Variants in CASQ1 observed in about 807,000 individuals in gnomAD.
CASQ1 encodes the protein calsequestrin-1.
Under a neutral mutation model 49.5 loss-of-function variants are expected in CASQ1, and 40 were observed. That is an observed-to-expected ratio of 0.81 (90% CI 0.63 to 1.05). CASQ1 has a LOEUF of 1.05. Among genes scored for constraint, CASQ1 ranks in the 50% least tolerant of loss-of-function variants. The probability of loss-of-function intolerance (pLI) is 0.00; values close to 1 mark genes in which losing one functional copy is unlikely to be tolerated. For synonymous variants in CASQ1, 174 were observed against 187.2 expected, an observed-to-expected ratio of 0.93 and a Z score of 0.58; for missense variants, 469 against 486.9, an observed-to-expected ratio of 0.96 and a Z score of 0.35.
intron 2 of CASQ1, among the ~76,000 whole-genome samples, chr1:160,193,169 G>A (rs617599): frequency 0.31 from 46,912 of 152,066 alleles, 8,918 homozygotes; most frequent in East Asian, 0.55. Context: ...TGGAGGGAAG[G>A]GGAGTCGGGG....
In CASQ1 at chr1:160,192,798, CCA is replaced by C. The variant is rs752787714; in HGVS notation, c.280-3_280-2del. On this transcript the variant is annotated splice_acceptor_variant and splice_polypyrimidine_tract_variant and intron_variant, in intron 1 of 10. Transcript: ENST00000368078. LOFTEE classifies it high-confidence loss of function. ...CTAATTTTAATCATAATCCTTCCCTCCAGTTAGCAGCCCAAGTCCTAGAAGAC... is the reference window on the plus strand; with the variant it reads ...CTAATTTTAATCATAATCCTTCCCTCGTTAGCAGCCCAAGTCCTAGAAGAC... The C allele has an allele frequency of 1.6e-5, 26 of 1,613,308 alleles. No individual in the cohort carries two copies. The highest frequency in any genetic ancestry group is 2.2e-5 in the South Asian group (2 of 91,040).
intron 1 of CASQ1, among the ~76,000 whole-genome samples, chr1:160,192,182 C>T (rs921435443): frequency 3.3e-5 from 5 of 150,940 alleles, no homozygotes; most frequent in African/African-American, 9.8e-5. Flanking sequence ...AAGTAGAGTG[C>T]GAAAGGGGAA....
At chr1:160,196,906 G>C (rs1391197034) in intron 6 of CASQ1, among the ~76,000 whole-genome samples, 1 of 152,204 alleles carries the variant, frequency 6.6e-6, no homozygotes, top group African/African-American at 2.4e-5. Flanking sequence ...TGGTTGTGCA[G>C]AGTGCTACTA....
Position 160,199,868 on chromosome 1 carries a change from G to A in CASQ1, c.1002G>A (p.Glu334=). 3 of 1,612,526 alleles carry A rather than the reference G, an allele frequency of 1.9e-6. No homozygotes were observed. Among genetic ancestry groups the A allele is most frequent in the Non-Finnish European group, 2.5e-6 (3 of 1,178,474 alleles). Reference sequence around the variant, plus strand: ...CTCTACAGCTGGTCCCATACTGGGAGAAGACGTTTGACATCGACTTGTCAG... The same window carrying A: ...CTCTACAGCTGGTCCCATACTGGGAAAAGACGTTTGACATCGACTTGTCAG... The part of the protein sequence containing the change: ...DDFPLLVPYW[E]KTFDIDLSAP... The change falls in exon 10 of 11, where the codon GAG becomes GAA. Residue 334 remains glutamate (E), a synonymous_variant. Coordinates refer to ENST00000368078, the MANE Select transcript of CASQ1 (RefSeq NM_001231.5).
chr1:160,196,396 C>T (rs1654229537), intron 6 of CASQ1, among the ~76,000 whole-genome samples: 1 of 152,086 alleles, frequency 6.6e-6, no homozygotes, highest in South Asian at 2.1e-4. Context: ...GTGAAAGTTT[C>T]TACAGGTAAT....
intron 6 of CASQ1, 38 bp downstream of exon 6, chr1:160,196,065 C>T: frequency 6.2e-7 from 1 of 1,606,880 alleles, no homozygotes; most frequent in South Asian, 1.1e-5. Flanking sequence ...GGGGTCGGCT[C>T]CTCCTTGGGC....
chr1:160,198,533 C>A lies in CASQ1; in HGVS notation c.829-144C>A, dbSNP rs1005689717. 4.9e-6 allele frequency: 3 copies of A among 616,212 alleles called. No homozygotes were observed. In the Admixed American group the frequency reaches 9.0e-5, roughly 18 times the overall value. 38.2% of individuals were successfully genotyped at this position (616,212 alleles called of 1,614,324 possible). On this transcript the variant is annotated intron_variant, in intron 7 of 10. Transcript: ENST00000368078. ...ACAAAAAAAAACAAACCCCAAAAAA[C>A]GAAAGAATATATCTGGTCCTGAAGC...
intron 6 of CASQ1, among the ~76,000 whole-genome samples, chr1:160,197,115 C>T (rs822451): frequency 0.98 from 148,941 of 152,256 alleles, 72,921 homozygotes; most frequent in East Asian, 1. Flanking sequence ...CCCAGGCTAG[C>T]GTGCAGTGGT....
In CASQ1 at chr1:160,195,900, G is replaced by A. The variant is rs754982001; in HGVS notation, c.655G>A (p.Ala219Thr). ...PFFATFDSKV[A>T]KKLTLKLNEI... is the part of the protein sequence containing the mutation. The stretch of plus-strand genomic sequence containing the variant: ...CCTCCTACCCCCTCTCCCAAAGGTG[G>A]CAAAGAAGCTGACCCTGAAGCTGAA... Residue 219 changes from alanine (A) to threonine (T), a missense_variant, in exon 6 of 11, where the codon GCA becomes ACA. Physicochemically the swap from Ala to Thr is moderately conservative, Grantham distance 58. Coordinates refer to ENST00000368078, the MANE Select transcript of CASQ1 (RefSeq NM_001231.5). 1 of 1,613,654 alleles carries A rather than the reference G, an allele frequency of 6.2e-7. No individual in the cohort carries two copies. Among genetic ancestry groups the A allele is most frequent in the Non-Finnish European group, 8.5e-7 (1 of 1,179,790 alleles).
chr1:160,191,050 G>C lies in CASQ1; in HGVS notation c.279+20G>C, dbSNP rs1443003357. 1 of 1,611,768 alleles carries C rather than the reference G, an allele frequency of 6.2e-7. No individual in the cohort carries two copies. The highest frequency in any genetic ancestry group is 2.2e-5 in the East Asian group (1 of 44,880). On this transcript the variant is annotated intron_variant, in intron 1 of 10. Coordinates refer to ENST00000368078, the MANE Select transcript of CASQ1 (RefSeq NM_001231.5). The stretch of plus-strand genomic sequence containing the variant: ...CTGGAGGTGAGTTGGGGGCACTGCA[G>C]GCCTGCAGAGCATGTCTAGCCCCTC...
intron 3 of CASQ1, 75 bp downstream of exon 3, chr1:160,193,922 C>A: frequency 1.2e-6 from 1 of 835,946 alleles, no homozygotes; most frequent in Non-Finnish European, 2.1e-6. Context: ...CCAACCCCAA[C>A]CTGACACTGC....
In CASQ1 at chr1:160,190,817, G is replaced by A. The variant is rs146684787; in HGVS notation, c.66G>A (p.Leu22=). ...VPGLRLALLL[L]LVLGTPKSGV... ...GTCTGCGGCTGGCACTGCTGTTGCT[G>A]CTGGTGCTAGGGACACCCAAGTCAG... Residue 22 remains leucine (L), a synonymous_variant, in exon 1 of 11, where the codon CTG becomes CTA. Transcript: ENST00000368078. 1 of 1,614,182 alleles carries A rather than the reference G, an allele frequency of 6.2e-7. No individual in the cohort carries two copies. Among genetic ancestry groups the A allele is most frequent in the Non-Finnish European group, 8.5e-7 (1 of 1,180,018 alleles).
At chr1:160,196,286 A>C (rs779532931) in intron 6 of CASQ1, among the ~76,000 whole-genome samples, 1 of 151,948 alleles carries the variant, frequency 6.6e-6, no homozygotes, top group Non-Finnish European at 1.5e-5. Flanking sequence ...TTGAGACTTA[A>C]ATAATCTCTG....
At chr1:160,198,372 C>T (rs770254524) in intron 7 of CASQ1, 3 of 237,684 alleles carry the variant, frequency 1.3e-5, no homozygotes, top group Non-Finnish European at 2.5e-5. Flanking sequence ...GGTGTGGTGG[C>T]GCATGGCTGT....
chr1:160,190,726 G>T lies in CASQ1; in HGVS notation c.-26G>T. 1 of 1,605,230 alleles carries T rather than the reference G, an allele frequency of 6.2e-7. No homozygotes were observed. The highest frequency in any genetic ancestry group is 1.1e-5 in the South Asian group (1 of 90,628). On this transcript the variant is annotated 5_prime_UTR_variant, in exon 1 of 11. Transcript: ENST00000368078. ...CCAGCTAACCTCTTCTGGACCAGGA[G>T]AGCCAACCCAGATCCCACTACCTCC...
chr1:160,198,772 G>T lies in CASQ1; in HGVS notation c.883+41G>T, dbSNP rs757798653. 5 of 1,574,008 alleles carry T rather than the reference G, an allele frequency of 3.2e-6. No individual in the cohort carries two copies. In the African/African-American group the frequency reaches 5.4e-5, roughly 17 times the overall value. On this transcript the variant is annotated intron_variant, in intron 8 of 10. Transcript: ENST00000368078. ...CGGGTTGGACTGGAGGGAAGGCAGGGGGAGGTGGGTGTGTTTATTGGAGCA... is the reference window on the plus strand; with the variant it reads ...CGGGTTGGACTGGAGGGAAGGCAGGTGGAGGTGGGTGTGTTTATTGGAGCA...
In CASQ1 at chr1:160,190,635, TC is replaced by T. The variant is rs371713315; in HGVS notation, c.-113del. On this transcript the variant is annotated 5_prime_UTR_variant, in exon 1 of 11. Transcript: ENST00000368078. Reference sequence around the variant, plus strand: ...CCCTCTGTCCACTGCTCTGGGCCATTCCCCAATCCCCCCTCCCACTTGAGCC... The same window carrying T: ...CCCTCTGTCCACTGCTCTGGGCCATTCCCAATCCCCCCTCCCACTTGAGCC... 1 of 964,076 alleles carries T rather than the reference TC, an allele frequency of 1.0e-6. No homozygotes were observed. 59.7% of individuals were successfully genotyped at this position (964,076 alleles called of 1,614,324 possible). A position where few individuals can be genotyped will look rare whatever the true frequency, so the allele number is the denominator to read the frequency against.
intron 10 of CASQ1, 91 bp from the exon 11 acceptor site, chr1:160,201,154 G>C: frequency 7.5e-7 from 1 of 1,325,636 alleles, no homozygotes. Flanking sequence ...TGAGAATGTA[G>C]GGAAGGATGT....
intron 9 of CASQ1, among the ~76,000 whole-genome samples, chr1:160,199,619 AAG>A (rs1262494587): frequency 6.6e-6 from 1 of 152,158 alleles, no homozygotes; most frequent in African/African-American, 2.4e-5. Flanking sequence ...TTCCTCAGAA[AAG>A]AGGGGCCAGT....
Sources: allele counts gnomAD v4.1 joint callset (sites outside exome capture counted in the v4.1 genomes callset), GRCh38; gene constraint gnomAD v4.1.1; transcripts MANE v1.5; gene names NCBI Gene and HGNC (gene_info 2026-07-23, HGNC 2026-07-21).